The following FMN2 variants were observed in gnomAD, a reference collection of about 807,000 sequenced individuals.
The protein encoded by FMN2 is formin-2.
Under a neutral mutation model 142.3 loss-of-function variants are expected in FMN2, and 51 were observed. The observed-to-expected ratio is 0.36, with a 90% CI of 0.29 to 0.45. The LOEUF (loss-of-function observed/expected upper bound fraction) is 0.45, where lower values mean the gene tolerates loss of function less well. FMN2 is among the 20% of genes least tolerant of loss of function. The pLI, the probability that FMN2 is intolerant of heterozygous loss-of-function variation, is 1.00. For missense variants in FMN2, 1,936 were observed against 2,122.8 expected (o/e 0.91, Z 1.73); for synonymous variants, 882 against 869.8 (o/e 1.01, Z -0.25).
At chr1:240,416,561 T>C (rs987505364) in intron 15 of FMN2, among the ~76,000 whole-genome samples, 4 of 152,108 alleles carry the variant, frequency 2.6e-5, no homozygotes, top group African/African-American at 9.6e-5. Flanking sequence ...TGAGCCACCA[T>C]GCGCCCAGCC....
At chr1:240,144,270 T>C (rs142805494) in intron 2 of FMN2, 2 of 1,602,946 alleles carry the variant, frequency 1.2e-6, no homozygotes, top group East Asian at 2.2e-5. Flanking sequence ...GCCAGGTTCA[T>C]GCGGGCAGAG....
intron 8 of FMN2, among the ~76,000 whole-genome samples, chr1:240,324,177 C>T (rs1671071347): frequency 6.6e-6 from 1 of 152,122 alleles, no homozygotes; most frequent in African/African-American, 2.4e-5. Flanking sequence ...GCTTTACATT[C>T]CTAACACTTT....
At chr1:240,402,865 C>G (rs1316823914) in intron 15 of FMN2, among the ~76,000 whole-genome samples, 7 of 152,118 alleles carry the variant, frequency 4.6e-5, no homozygotes, top group Non-Finnish European at 1.0e-4. Flanking sequence ...ACTTAATGAA[C>G]TAAGGCTAAC....
intron 2 of FMN2, among the ~76,000 whole-genome samples, chr1:240,138,713 C>CA (rs201207670): frequency 0.02 from 2,985 of 150,744 alleles, 114 homozygotes; most frequent in African/African-American, 0.069. Flanking sequence ...TCTCAAAAAA[C>CA]AAAAAAAAAT....
intron 14 of FMN2, among the ~76,000 whole-genome samples, chr1:240,389,565 A>G (rs1196671376): frequency 3.3e-5 from 5 of 152,184 alleles, no homozygotes; most frequent in African/African-American, 1.2e-4. Context: ...CACCGATTAA[A>G]TTACATTTTA....
intron 8 of FMN2, among the ~76,000 whole-genome samples, chr1:240,318,197 A>G (rs531538552): frequency 4.9e-4 from 75 of 152,268 alleles, no homozygotes; most frequent in African/African-American, 1.7e-3. Context: ...AAGTTGGAGT[A>G]GGCCTTGTAT....
chr1:240,435,923 A>G (rs978617910), intron 15 of FMN2, among the ~76,000 whole-genome samples: 1 of 152,262 alleles, frequency 6.6e-6, no homozygotes, highest in African/African-American at 2.4e-5. Context: ...AATGATGAAA[A>G]TGAATAAATG....
chr1:240,285,271 G>A, intron 7 of FMN2: 1 of 455,462 alleles, frequency 2.2e-6, no homozygotes, highest in Non-Finnish European at 4.4e-6. Context: ...GGATGTGGAA[G>A]GTGAGGGGAA....
rs760442047 is a variant in FMN2 at position 240,208,375 on chromosome 1, C to T, written c.3563C>T (p.Pro1188Leu). Residue 1188 changes from proline to leucine, a missense_variant, in exon 5 of 18, where the codon CCC (proline) becomes CTC (leucine). Transcript: ENST00000319653. ...PLPGVGIPPP[P>L]PLPGVGIPPP... ...CCTGGAGTGGGAATACCTCCTCCGC[C>T]CCCTCTACCTGGAGTGGGAATACCT... The T allele has an allele frequency of 1.9e-6, 3 of 1,589,016 alleles. No homozygotes were observed. The East Asian group carries it at 6.8e-5, about 36-fold the overall frequency.
intron 2 of FMN2, among the ~76,000 whole-genome samples, chr1:240,159,933 T>TTGTGTATATATATATATCTATATC (rs1664201855): frequency 2.9e-5 from 2 of 68,786 alleles, no homozygotes; most frequent in African/African-American, 4.9e-5. Flanking sequence ...ATATATATAT[T>TTGTGTATATATATATATCTATATC]TGTGTATATA....
At chr1:240,309,033 T>C (rs940481059) in intron 8 of FMN2, among the ~76,000 whole-genome samples, 22 of 152,086 alleles carry the variant, frequency 1.4e-4, no homozygotes, top group African/African-American at 5.3e-4. Context: ...AGTGAGGGTA[T>C]GAGTGTTAGA....
intron 16 of FMN2, among the ~76,000 whole-genome samples, chr1:240,456,150 T>C (rs1310191694): frequency 6.6e-6 from 1 of 152,146 alleles, no homozygotes; most frequent in African/African-American, 2.4e-5. Flanking sequence ...ATAATTATTA[T>C]AATATATACA....
intron 7 of FMN2, among the ~76,000 whole-genome samples, chr1:240,285,426 T>A (rs1317152653): frequency 1.3e-5 from 2 of 151,782 alleles, no homozygotes; most frequent in African/African-American, 4.8e-5. Flanking sequence ...AGTGAGGAGT[T>A]CAGGAAGGAG....
At chr1:240,130,454 T>C (rs1332078853) in intron 2 of FMN2, among the ~76,000 whole-genome samples, 2 of 152,090 alleles carry the variant, frequency 1.3e-5, no homozygotes, top group Non-Finnish European at 2.9e-5. Context: ...AGGTGGATGC[T>C]ACCACGCCCG....
At position 240,361,837 on chromosome 1, in the gene FMN2, G is replaced by T. The variant is rs1479358623; in HGVS notation, c.4858+5929G>T. Among the ~76,000 whole-genome samples, 4 of 152,206 alleles carry T rather than the reference G, an allele frequency of 2.6e-5. No individual in the cohort carries two copies. In the East Asian group the frequency reaches 7.7e-4, roughly 29 times the overall value. ...GAGGTTAAGAAAAATTAGATCCAGG[G>T]ATAGTATTCTGGAGGAGAATAGCAT... On this transcript the variant is annotated intron_variant, in intron 14 of 17. Coordinates refer to ENST00000319653, the MANE Select transcript of FMN2 (RefSeq NM_020066.5).
chr1:240,112,283 C>T (rs1338810004), intron 1 of FMN2, among the ~76,000 whole-genome samples: 2 of 152,032 alleles, frequency 1.3e-5, no homozygotes, highest in Non-Finnish European at 2.9e-5. Flanking sequence ...AGGCACGCAC[C>T]ACCACACCCA....
chr1:240,276,206 G>A (rs79426908), intron 7 of FMN2, among the ~76,000 whole-genome samples: 9,389 of 152,244 alleles, frequency 0.062, 304 homozygotes, highest in East Asian at 0.12. Flanking sequence ...GATTTTAAGG[G>A]TGGTTTGCAT....
At chr1:240,261,107 C>T (rs1366474576) in intron 7 of FMN2, among the ~76,000 whole-genome samples, 1 of 152,124 alleles carries the variant, frequency 6.6e-6, no homozygotes, top group East Asian at 1.9e-4. Context: ...TTTCATTGTT[C>T]TGTGTGTCTA....
At chr1:240,253,391 T>C (rs1409594222) in intron 6 of FMN2, among the ~76,000 whole-genome samples, 2 of 152,198 alleles carry the variant, frequency 1.3e-5, no homozygotes, top group Non-Finnish European at 2.9e-5. Context: ...AGCTTTCAAA[T>C]GTATTTTGTA....
Sources: gnomAD v4.1 joint callset for allele counts (sites outside exome capture counted in the v4.1 genomes callset) on GRCh38, gnomAD v4.1.1 for gene constraint, MANE v1.5 for transcripts, NCBI Gene and HGNC (gene_info 2026-07-23, HGNC 2026-07-21) for gene names.